The following WWC1 variants were observed in gnomAD, a reference collection of about 807,000 sequenced individuals.
The protein encoded by WWC1 is protein KIBRA.
WWC1 carries 55 observed loss-of-function variants against 138.4 expected under a neutral mutation model. The observed-to-expected ratio is 0.40, with a 90% CI of 0.32 to 0.50. The LOEUF (loss-of-function observed/expected upper bound fraction) is 0.50, where lower values mean the gene tolerates loss of function less well. Among genes scored for constraint, WWC1 ranks in the 20% least tolerant of loss-of-function variants. The pLI, the probability that WWC1 is intolerant of heterozygous loss-of-function variation, is 0.72. For missense variants in WWC1, 1,226 were observed against 1,420.4 expected (o/e 0.86, Z 2.20); for synonymous variants, 524 against 564.9 (o/e 0.93, Z 1.03).
At chr5:168,383,604 G>A (rs1777815296) in intron 2 of WWC1, among the ~76,000 whole-genome samples, 1 of 152,172 alleles carries the variant, frequency 6.6e-6, no homozygotes, top group Non-Finnish European at 1.5e-5. Context: ...GGGGTGCTGG[G>A]ATTTCTGACC....
At chr5:168,383,518 G>A (rs2152817564) in intron 2 of WWC1, among the ~76,000 whole-genome samples, 1 of 152,308 alleles carries the variant, frequency 6.6e-6, no homozygotes. Context: ...GGCCTAGATT[G>A]GGAGGCATAA....
intron 14 of WWC1, among the ~76,000 whole-genome samples, chr5:168,430,982 C>T (rs1781890112): frequency 6.6e-6 from 1 of 152,222 alleles, no homozygotes; most frequent in African/African-American, 2.4e-5. Flanking sequence ...TGAATAGCCT[C>T]CTCCATAGCT....
intron 1 of WWC1, among the ~76,000 whole-genome samples, chr5:168,362,943 C>T (rs1470418593): frequency 1.3e-5 from 2 of 152,116 alleles, no homozygotes; most frequent in African/African-American, 4.8e-5. Flanking sequence ...AGCCCTCCCT[C>T]CTCTTCTTTT....
chr5:168,311,883 A>G (rs1214427989), intron 1 of WWC1, among the ~76,000 whole-genome samples: 1 of 151,812 alleles, frequency 6.6e-6, no homozygotes, highest in Non-Finnish European at 1.5e-5. Flanking sequence ...TCTAAAAAAA[A>G]AAAAAAATTA....
At chr5:168,453,867 TC>T (rs1756056417) in intron 17 of WWC1, 100 bp from the exon 18 acceptor site, 1 of 1,551,352 alleles carries the variant, frequency 6.4e-7, no homozygotes, top group South Asian at 1.2e-5. Flanking sequence ...ATATCTTCAA[TC>T]ATCAAAAGGA....
At chr5:168,424,557 G>A (rs1781363039) in intron 11 of WWC1, among the ~76,000 whole-genome samples, 1 of 152,248 alleles carries the variant, frequency 6.6e-6, no homozygotes, top group Non-Finnish European at 1.5e-5. Flanking sequence ...GGGACTGCCA[G>A]GGCAGGTTGG....
intron 20 of WWC1, among the ~76,000 whole-genome samples, chr5:168,464,427 G>C (rs944645793): frequency 6.6e-6 from 1 of 152,160 alleles, no homozygotes; most frequent in Admixed American, 6.5e-5. Context: ...CACATATCCT[G>C]TGGGACTTAA....
chr5:168,339,463 A>T (rs1773789300), intron 1 of WWC1, among the ~76,000 whole-genome samples: 1 of 151,872 alleles, frequency 6.6e-6, no homozygotes, highest in African/African-American at 2.4e-5. Flanking sequence ...AAATCAAGGG[A>T]TCTCTGGGTT....
At chr5:168,393,716 G>A (rs928182326) in intron 3 of WWC1, among the ~76,000 whole-genome samples, 14 of 152,232 alleles carry the variant, frequency 9.2e-5, no homozygotes, top group East Asian at 3.9e-4. Context: ...ACACAAAGGC[G>A]GATCTCAGGA....
intron 19 of WWC1, among the ~76,000 whole-genome samples, chr5:168,458,271 G>C (rs1401456044): frequency 1.3e-5 from 2 of 152,176 alleles, no homozygotes; most frequent in Non-Finnish European, 2.9e-5. Context: ...AAAACTCAAA[G>C]CACTGTGCTC....
chr5:168,386,740 TA>T (rs1312206307), intron 3 of WWC1, among the ~76,000 whole-genome samples: 1 of 151,908 alleles, frequency 6.6e-6, no homozygotes, highest in African/African-American at 2.4e-5. Flanking sequence ...TGGCTCACTG[TA>T]ACCTCCACCT....
chr5:168,382,738 T>A (rs1010839708), intron 2 of WWC1, among the ~76,000 whole-genome samples: 1 of 152,168 alleles, frequency 6.6e-6, no homozygotes, highest in Non-Finnish European at 1.5e-5. Flanking sequence ...TGTTCCTGCC[T>A]CTTGTTTGGT....
chr5:168,444,669 T>A, intron 17 of WWC1, 84 bp downstream of exon 17: 1 of 1,450,492 alleles, frequency 6.9e-7, no homozygotes, highest in Non-Finnish European at 9.6e-7. Context: ...CCAGTGCAAC[T>A]AAGAGAAGGG....
chr5:168,420,251 G>A (rs1780981086), intron 9 of WWC1, among the ~76,000 whole-genome samples: 1 of 152,140 alleles, frequency 6.6e-6, no homozygotes, highest in Admixed American at 6.5e-5. Context: ...AAAAGTCCAA[G>A]ATCAGATGTC....
intron 1 of WWC1, among the ~76,000 whole-genome samples, chr5:168,329,087 CT>C (rs1772816392): frequency 6.6e-6 from 1 of 152,220 alleles, no homozygotes; most frequent in Non-Finnish European, 1.5e-5. Context: ...ATGGCTCCCC[CT>C]CTGTAGGGTA....
chr5:168,338,427 G>GC (rs1773695003), intron 1 of WWC1, among the ~76,000 whole-genome samples: 1 of 150,368 alleles, frequency 6.7e-6, no homozygotes, highest in African/African-American at 2.4e-5. Flanking sequence ...TTTTTTTGGG[G>GC]GGGGATTGAG....
chr5:168,306,382 C>T (rs1770568015), intron 1 of WWC1, among the ~76,000 whole-genome samples: 1 of 152,098 alleles, frequency 6.6e-6, no homozygotes, highest in Non-Finnish European at 1.5e-5. Flanking sequence ...GGCTACAGAG[C>T]GAGACTCCAT....
intron 2 of WWC1, among the ~76,000 whole-genome samples, chr5:168,381,027 C>T (rs1411480603): frequency 2.0e-5 from 3 of 152,050 alleles, no homozygotes; most frequent in African/African-American, 7.2e-5. Context: ...AGAAATGTAA[C>T]AAATTGATGC....
In WWC1 at chr5:168,469,206, C is replaced by A; in HGVS notation, c.*189C>A. 4.0e-6 allele frequency: 2 copies of A among 503,682 alleles called. No homozygotes were observed. Among genetic ancestry groups the A allele is most frequent in the Non-Finnish European group, 7.1e-6 (2 of 279,914 alleles). The allele number at this position is 503,682 out of a possible 1,614,324, so 31.2% of individuals were successfully genotyped here. A position where few individuals can be genotyped will look rare whatever the true frequency, so the allele number is the denominator to read the frequency against. On this transcript the variant is annotated 3_prime_UTR_variant, in exon 23 of 23. Transcript: ENST00000265293. ...TATTAAAAACAGAACAAAAACAAAA[C>A]ACACACACACACAAAAACAGAAACA...
Sources: gnomAD v4.1 joint callset for allele counts (sites outside exome capture counted in the v4.1 genomes callset) on GRCh38, gnomAD v4.1.1 for gene constraint, MANE v1.5 for transcripts, NCBI Gene and HGNC (gene_info 2026-07-23, HGNC 2026-07-21) for gene names.